Variants in CAND2 observed in about 807,000 individuals in gnomAD.
CAND2 encodes the protein cullin-associated NEDD8-dissociated protein 2.
In CAND2, 62 loss-of-function variants were observed where a neutral mutation model predicts 98.9. The ratio of observed to expected loss-of-function variants is 0.63; its 90% CI spans 0.51 to 0.77. The LOEUF (loss-of-function observed/expected upper bound fraction) is 0.77, where lower values mean the gene tolerates loss of function less well. Among genes scored for constraint, CAND2 ranks in the 30% least tolerant of loss-of-function variants. The pLI is 0.00. For missense variants in CAND2, 1,501 were observed against 1,655.2 expected (o/e 0.91, Z 1.62); for synonymous variants, 770 against 731.9 (o/e 1.05, Z -0.84).
chr3:12,815,000 C>T, intron 7 of CAND2, 141 bp from the exon 8 acceptor site: 1 of 765,598 alleles, frequency 1.3e-6, no homozygotes, highest in Non-Finnish European at 2.1e-6. Flanking sequence ...AGGGAATGTT[C>T]CCCATAGGGT....
chr3:12,804,881 A>C (rs574014852), intron 2 of CAND2, among the ~76,000 whole-genome samples: 113 of 152,182 alleles, frequency 7.4e-4, no homozygotes, highest in Non-Finnish European at 9.8e-4. Context: ...AAAGGGTTTT[A>C]TGTAGGAAGG....
At chr3:12,798,794 C>T (rs897043552) in intron 1 of CAND2, among the ~76,000 whole-genome samples, 1 of 152,134 alleles carries the variant, frequency 6.6e-6, no homozygotes, top group African/African-American at 2.4e-5. Context: ...TTTTAAAGTC[C>T]GAATACCAGG....
At chr3:12,807,245 G>C (rs1325284533) in intron 2 of CAND2, 61 bp from the exon 3 acceptor site, 11 of 1,493,840 alleles carry the variant, frequency 7.4e-6, no homozygotes, top group Non-Finnish European at 1.0e-5. Flanking sequence ...GGACATAAAG[G>C]GGCAGCCTGA....
intron 2 of CAND2, among the ~76,000 whole-genome samples, chr3:12,806,625 G>A (rs1356259178): frequency 6.6e-6 from 1 of 152,212 alleles, no homozygotes; most frequent in African/African-American, 2.4e-5. Flanking sequence ...CAGTGCCCAG[G>A]TAGGCATTTT....
Position 12,825,576 on chromosome 3 carries a change from G to A in CAND2, c.3147G>A (p.Leu1049=), listed in dbSNP as rs752238304. 12 of 1,611,126 alleles carry A rather than the reference G, an allele frequency of 7.4e-6. No individual in the cohort carries two copies. The highest frequency in any genetic ancestry group is 3.4e-5 in the Admixed American group (2 of 59,670). Residue 1049 remains leucine (L), a synonymous_variant, in exon 12 of 15, where the codon CTG becomes CTA. Coordinates refer to ENST00000456430, the MANE Select transcript of CAND2 (RefSeq NM_001162499.2). ...VHNKPSLVRD[L]LDDILPLLYQ... ...ACAAGCCCTCGCTAGTCCGGGACCT[G>A]CTGGATGACATCCTGCCCCTCCTCT... is the stretch of plus-strand genomic sequence containing the variant.
intron 1 of CAND2, among the ~76,000 whole-genome samples, 163 bp from the exon 2 acceptor site, chr3:12,803,325 A>T (rs1409951496): frequency 6.6e-6 from 1 of 152,146 alleles, no homozygotes; most frequent in Non-Finnish European, 1.5e-5. Context: ...CAACCATTGT[A>T]TATGTTGCCT....
intron 1 of CAND2, among the ~76,000 whole-genome samples, chr3:12,800,510 C>A (rs757509971): frequency 3.9e-5 from 6 of 152,162 alleles, no homozygotes; most frequent in Non-Finnish European, 8.8e-5. Context: ...TACAGTATCT[C>A]CTCGCTGCTC....
rs142396941 is a variant in CAND2, at chr3:12,806,628, G to A, written c.213-678G>A. Among the ~76,000 whole-genome samples the A allele has an allele frequency of 7.9e-5, 12 of 152,316 alleles. No individual in the cohort carries two copies. In the East Asian group the frequency reaches 2.3e-3, roughly 29 times the overall value. ...ACTCTCTGAGGGCAGTGCCCAGGTA[G>A]GCATTTTTTAGAGGCCCAGGTGATG... On this transcript the variant is annotated intron_variant, in intron 2 of 14. Coordinates refer to ENST00000456430, the MANE Select transcript of CAND2 (RefSeq NM_001162499.2).
intron 11 of CAND2, among the ~76,000 whole-genome samples, chr3:12,823,175 T>C (rs1021070387): frequency 2.6e-5 from 4 of 152,256 alleles, no homozygotes; most frequent in African/African-American, 9.6e-5. Flanking sequence ...CGTGTGTAGT[T>C]TTTTTGTGTT....
chr3:12,828,142 T>C (rs2062018964), intron 13 of CAND2, among the ~76,000 whole-genome samples: 1 of 152,054 alleles, frequency 6.6e-6, no homozygotes, highest in Non-Finnish European at 1.5e-5. Flanking sequence ...GTTCCAGAAG[T>C]TAGGACCATT....
In CAND2 at chr3:12,810,151, C is replaced by T. The variant is rs1240140764; in HGVS notation, c.584C>T (p.Ala195Val). 2.0e-6 allele frequency: 3 copies of T among 1,523,858 alleles called. No individual in the cohort carries two copies. Among genetic ancestry groups the T allele is most frequent in the Admixed American group, 2.0e-5 (1 of 50,480 alleles). The allele number at this position is 1,523,858 out of a possible 1,614,324, so 94.4% of individuals were successfully genotyped here. Reference protein sequence around the residue: ...SSPRLAVRKRAVGALGHLAAA... With the variant: ...SSPRLAVRKRVVGALGHLAAA... ...CCGCGCCTGGCGGTGCGCAAGCGGG[C>T]GGTCGGAGCGCTTGGCCACCTGGCG... Residue 195 changes from alanine (A) to valine (V), a missense_variant, in exon 5 of 15, where the codon GCG becomes GTG. Physicochemically the swap from Ala to Val is moderately conservative, Grantham distance 64. Transcript: ENST00000456430.
intron 1 of CAND2, among the ~76,000 whole-genome samples, chr3:12,801,095 T>A (rs1289676650): frequency 2.0e-5 from 3 of 147,356 alleles, no homozygotes; most frequent in Admixed American, 7.0e-5. Context: ...TGGAGTGCAG[T>A]GGCACGATCT....
rs1485797540 is a variant in CAND2, at chr3:12,817,513, G to A, written c.2581G>A (p.Glu861Lys). The change falls in exon 10 of 15, where the codon GAG (glutamate) becomes AAG (lysine). Residue 861 changes from glutamate to lysine, a missense_variant. Glu to Lys is a moderately conservative substitution (Grantham distance 56). This residue lies in a region of CAND2 where 1,427 missense variants were observed against 1,545.3 expected (regional missense o/e 0.92). Transcript: ENST00000456430. The stretch of plus-strand genomic sequence containing the variant: ...GGTGGCTGGGCCAGGCCACCAGCGG[G>A]AGCTGAAGGCGGTGCTCCTGGAAGC... ...GQVAGPGHQR[E>K]LKAVLLEALG... 6.2e-7 allele frequency: 1 copy of A among 1,613,710 alleles called. No homozygotes were observed. Among genetic ancestry groups the A allele is most frequent in the South Asian group, 1.1e-5 (1 of 91,060 alleles).
At chr3:12,823,059 A>G (rs2061969659) in intron 11 of CAND2, among the ~76,000 whole-genome samples, 2 of 152,166 alleles carry the variant, frequency 1.3e-5, no homozygotes, top group Non-Finnish European at 2.9e-5. Context: ...TCTTACAGTA[A>G]GAAACCCAGC....
chr3:12,821,592 T>C (rs1262565755), intron 11 of CAND2, among the ~76,000 whole-genome samples: 2 of 152,186 alleles, frequency 1.3e-5, no homozygotes, highest in Non-Finnish European at 1.5e-5. Flanking sequence ...CGGCCTGATT[T>C]CCTCCATTGT....
chr3:12,833,199 G>C (rs1242988872), intron 14 of CAND2, among the ~76,000 whole-genome samples: 1 of 152,194 alleles, frequency 6.6e-6, no homozygotes, highest in Non-Finnish European at 1.5e-5. Context: ...GAATTACTGA[G>C]CTCCTCTGCC....
At chr3:12,805,266 G>A (rs1029426558) in intron 2 of CAND2, among the ~76,000 whole-genome samples, 1 of 151,554 alleles carries the variant, frequency 6.6e-6, no homozygotes, top group Non-Finnish European at 1.5e-5. Flanking sequence ...TGCTCTTAGT[G>A]GCAAGATTTT....
At chr3:12,828,651 CTATTT>C (rs1461371581) in intron 13 of CAND2, among the ~76,000 whole-genome samples, 2 of 152,134 alleles carry the variant, frequency 1.3e-5, no homozygotes, top group Admixed American at 6.5e-5. Flanking sequence ...TCCATCTTCA[CTATTT>C]TAAAGTGCAC....
intron 13 of CAND2, 82 bp downstream of exon 13, chr3:12,827,686 C>T: frequency 7.5e-7 from 1 of 1,330,244 alleles, no homozygotes. Flanking sequence ...CTTGTTTGTC[C>T]TTGCTCCCTA....
Sources: gnomAD v4.1 joint callset for allele counts (sites outside exome capture counted in the v4.1 genomes callset) on GRCh38, gnomAD v4.1.1 for gene constraint, gnomAD v4.1.1 regional missense constraint, MANE v1.5 for transcripts, NCBI Gene and HGNC (gene_info 2026-07-23, HGNC 2026-07-21) for gene names.